CDH18: variants seen among roughly 807,000 people sequenced by gnomAD.
The protein encoded by CDH18 is cadherin 18, also known as cadherin-18.
In CDH18, 31 loss-of-function variants were observed where a neutral mutation model predicts 67.9. That is an observed-to-expected ratio of 0.46 (90% confidence interval 0.34 to 0.62). The LOEUF (loss-of-function observed/expected upper bound fraction) is 0.62. Among genes scored for constraint, CDH18 ranks in the 20% least tolerant of loss-of-function variants. The probability of loss-of-function intolerance (pLI) is 0.01; values close to 1 mark genes in which losing one functional copy is unlikely to be tolerated. For synonymous variants in CDH18, 362 were observed against 347.2 expected (o/e 1.04, Z -0.48); for missense variants, 890 against 975.5 (o/e 0.91, Z 1.17).
intron 1 of CDH18, among the ~76,000 whole-genome samples, chr5:20,415,782 A>T (rs1254075503): frequency 1.3e-5 from 2 of 152,002 alleles, no homozygotes; most frequent in African/African-American, 2.4e-5. Flanking sequence ...TCTCAAAAAA[A>T]TAAAAATAAA....
intron 3 of CDH18, among the ~76,000 whole-genome samples, chr5:19,789,242 T>C (rs1776120874): frequency 6.6e-6 from 1 of 152,202 alleles, no homozygotes; most frequent in Non-Finnish European, 1.5e-5. Context: ...CTTAGGCAAG[T>C]TACTTAACCT....
At chr5:19,595,240 G>A (rs1042695513) in intron 6 of CDH18, among the ~76,000 whole-genome samples, 2 of 152,064 alleles carry the variant, frequency 1.3e-5, no homozygotes, top group African/African-American at 4.8e-5. Context: ...AAAGTCTCAT[G>A]CACTGAAAAT....
chr5:20,564,376 C>G (rs567607359), intron 1 of CDH18, among the ~76,000 whole-genome samples: 1 of 151,924 alleles, frequency 6.6e-6, no homozygotes, highest in East Asian at 1.9e-4. Flanking sequence ...CTCCCAGGTT[C>G]AAGCAATTCT....
At chr5:19,794,431 T>C (rs971448858) in intron 3 of CDH18, among the ~76,000 whole-genome samples, 4 of 152,102 alleles carry the variant, frequency 2.6e-5, no homozygotes, top group African/African-American at 9.7e-5. Flanking sequence ...CTCCTGATTC[T>C]CAGTTCTTTT....
At chr5:19,885,446 T>A (rs1788092573) in intron 2 of CDH18, among the ~76,000 whole-genome samples, 2 of 152,200 alleles carry the variant, frequency 1.3e-5, no homozygotes, top group Non-Finnish European at 2.9e-5. Context: ...GAATAATTCA[T>A]TAGGTTTTAT....
chr5:20,170,706 T>G (rs1023616964), intron 2 of CDH18, among the ~76,000 whole-genome samples: 3 of 152,140 alleles, frequency 2.0e-5, no homozygotes, highest in African/African-American at 7.2e-5. Flanking sequence ...GTTGTTTTCC[T>G]TAAACTTTCA....
At chr5:20,489,789 A>G (rs754478571) in intron 1 of CDH18, among the ~76,000 whole-genome samples, 3 of 151,964 alleles carry the variant, frequency 2.0e-5, no homozygotes, top group Non-Finnish European at 2.9e-5. Flanking sequence ...TCTGTAGCTG[A>G]CAAAATGAAA....
intron 1 of CDH18, among the ~76,000 whole-genome samples, chr5:20,395,912 G>C (rs1159347043): frequency 1.3e-5 from 2 of 152,142 alleles, no homozygotes; most frequent in African/African-American, 4.8e-5. Context: ...CCTGGAGAGT[G>C]GCAAGCTTAG....
At chr5:19,889,936 G>T (rs1197779195) in intron 2 of CDH18, among the ~76,000 whole-genome samples, 1 of 152,064 alleles carries the variant, frequency 6.6e-6, no homozygotes, top group African/African-American at 2.4e-5. Context: ...TGCAAGATGA[G>T]GCTATTAACA....
chr5:19,891,902 C>T (rs1383475520), intron 2 of CDH18, among the ~76,000 whole-genome samples: 4 of 152,132 alleles, frequency 2.6e-5, no homozygotes, highest in Admixed American at 1.3e-4. Context: ...AAGGACACTT[C>T]GAGAAACAAA....
At chr5:20,263,191 T>A (rs914573721) in intron 1 of CDH18, among the ~76,000 whole-genome samples, 20 of 152,128 alleles carry the variant, frequency 1.3e-4, no homozygotes, top group Non-Finnish European at 5.9e-5. Flanking sequence ...TCTAATACTG[T>A]GTTATGAAGC....
chr5:19,820,787 T>C (rs762171498), intron 3 of CDH18, among the ~76,000 whole-genome samples: 1 of 152,108 alleles, frequency 6.6e-6, no homozygotes, highest in Non-Finnish European at 1.5e-5. Context: ...TTTCTCTACC[T>C]GGATCACCTG....
intron 1 of CDH18, among the ~76,000 whole-genome samples, chr5:20,507,054 A>C (rs183610502): frequency 6.6e-6 from 1 of 152,340 alleles, no homozygotes; most frequent in Admixed American, 6.5e-5. Context: ...GGAAAGACTG[A>C]GCCATCCTAC....
intron 1 of CDH18, among the ~76,000 whole-genome samples, chr5:20,323,687 A>G (rs1443177938): frequency 3.3e-5 from 5 of 152,232 alleles, no homozygotes; most frequent in African/African-American, 9.6e-5. Context: ...TTGTGGCACT[A>G]AACTATCTTA....
chr5:20,107,120 G>T (rs1227894105), intron 2 of CDH18, among the ~76,000 whole-genome samples: 1 of 143,866 alleles, frequency 7.0e-6, no homozygotes, highest in Non-Finnish European at 1.5e-5. Flanking sequence ...TCGCTCTGTC[G>T]CCCAGGCTGG....
At chr5:20,545,411 G>A (rs1421304692) in intron 1 of CDH18, among the ~76,000 whole-genome samples, 1 of 152,142 alleles carries the variant, frequency 6.6e-6, no homozygotes, top group East Asian at 1.9e-4. Flanking sequence ...TCTCCATGAG[G>A]GCTCCACCCC....
chr5:19,855,548 GA>G (rs1784192453), intron 2 of CDH18, among the ~76,000 whole-genome samples: 2 of 151,766 alleles, frequency 1.3e-5, no homozygotes, highest in African/African-American at 4.8e-5. Flanking sequence ...AACAAATTTG[GA>G]ATAAAAAGAC....
At position 20,124,224 on chromosome 5, in the gene CDH18, G is replaced by A. The variant is rs1334838617; in HGVS notation, c.-518+131220C>T. On this transcript the variant is annotated intron_variant, in intron 2 of 14. Transcript: ENST00000507958. ...TTTGTTTTGGGGGAGGGAACATCAG[G>A]ATATTTCTATTTTTGTTGCTTGTCC... 3.3e-5 allele frequency among the ~76,000 whole-genome samples: 5 copies of A among 152,234 alleles called. No individual in the cohort carries two copies. In the South Asian group the frequency reaches 8.3e-4, roughly 25 times the overall value.
chr5:19,916,653 C>T (rs926823155), intron 2 of CDH18, among the ~76,000 whole-genome samples: 2 of 152,094 alleles, frequency 1.3e-5, no homozygotes, highest in Non-Finnish European at 2.9e-5. Flanking sequence ...TGCAATAATG[C>T]CTGAAATTTA....
Sources: allele counts gnomAD v4.1 joint callset (sites outside exome capture counted in the v4.1 genomes callset), GRCh38; gene constraint gnomAD v4.1.1; transcripts MANE v1.5; gene names NCBI Gene and HGNC (gene_info 2026-07-23, HGNC 2026-07-21).